The following CCDC73 variants were observed in gnomAD, a reference collection of about 807,000 sequenced individuals.
The protein encoded by CCDC73 is coiled-coil domain containing 73, also known as coiled-coil domain-containing protein 73.
Under a neutral mutation model 116.5 loss-of-function variants are expected in CCDC73, and 95 were observed. The observed-to-expected ratio is 0.82, with a 90% CI of 0.69 to 0.97. The LOEUF (loss-of-function observed/expected upper bound fraction) is 0.97, where lower values mean the gene tolerates loss of function less well. Among genes scored for constraint, CCDC73 ranks in the 50% least tolerant of loss-of-function variants. CCDC73 has a pLI of 0.00. For synonymous variants in CCDC73, 398 were observed against 401.3 expected, an observed-to-expected ratio of 0.99 and a Z score of 0.10; for missense variants, 1,066 against 1,206.8, an observed-to-expected ratio of 0.88 and a Z score of 1.73.
At chr11:32,736,555 T>G (rs1009718750) in intron 2 of CCDC73, among the ~76,000 whole-genome samples, 30 of 152,054 alleles carry the variant, frequency 2.0e-4, no homozygotes, top group Non-Finnish European at 3.8e-4. Flanking sequence ...ACTTTTACAC[T>G]GTTGGTGGGA....
At chr11:32,749,858 C>T (rs766689260) in intron 2 of CCDC73, among the ~76,000 whole-genome samples, 2 of 150,260 alleles carry the variant, frequency 1.3e-5, no homozygotes, top group South Asian at 4.3e-4. Flanking sequence ...TCATTCTCTC[C>T]TCTTACTTTT....
chr11:32,802,459 T>C, the CCDC73 span, among the ~76,000 whole-genome samples: 1 of 152,202 alleles, frequency 6.6e-6, no homozygotes, highest in Non-Finnish European at 1.5e-5. Flanking sequence ...CATGACACCA[T>C]TTTGCTAAGA....
At chr11:32,715,303 G>A (rs1319414834) in intron 3 of CCDC73, among the ~76,000 whole-genome samples, 3 of 152,016 alleles carry the variant, frequency 2.0e-5, no homozygotes, top group Non-Finnish European at 4.4e-5. Flanking sequence ...TGTTCTCTTG[G>A]TTTAATATAG....
intron 14 of CCDC73, among the ~76,000 whole-genome samples, chr11:32,626,062 A>G (rs1348673914): frequency 1.4e-5 from 2 of 147,452 alleles, no homozygotes; most frequent in African/African-American, 5.0e-5. Flanking sequence ...AGATGACATG[A>G]TTGTATGTCT....
chr11:32,607,079 AATTTTTTTTT>A (rs1855361716), intron 17 of CCDC73, among the ~76,000 whole-genome samples: 1 of 119,204 alleles, frequency 8.4e-6, no homozygotes, highest in African/African-American at 3.4e-5. Context: ...GCCAAAAATA[AATTTTTTTTT>A]TTTTTTTTTT....
At chr11:32,698,503 A>G (rs866234037) in intron 6 of CCDC73, among the ~76,000 whole-genome samples, 1 of 152,240 alleles carries the variant, frequency 6.6e-6, no homozygotes, top group South Asian at 2.1e-4. Context: ...AAGCTGTTTC[A>G]TTATTAACAT....
chr11:32,751,549 C>T (rs766441597), intron 2 of CCDC73, among the ~76,000 whole-genome samples: 1 of 152,224 alleles, frequency 6.6e-6, no homozygotes, highest in Non-Finnish European at 1.5e-5. Context: ...CCGCCATAGA[C>T]ACCGGCTGGG....
At chr11:32,668,445 G>A (rs557882531) in intron 9 of CCDC73, among the ~76,000 whole-genome samples, 1 of 152,106 alleles carries the variant, frequency 6.6e-6, no homozygotes, top group South Asian at 2.1e-4. Context: ...GTAGAAAAGA[G>A]TAATGAACAT....
intron 17 of CCDC73, 158 bp from the exon 18 acceptor site, chr11:32,603,178 GA>G: frequency 1.7e-6 from 1 of 589,148 alleles, no homozygotes; most frequent in Non-Finnish European, 2.9e-6. Context: ...TATACAATGT[GA>G]ATGTGTAGGC....
chr11:32,603,331 T>G (rs1855301976), intron 17 of CCDC73: 1 of 238,000 alleles, frequency 4.2e-6, no homozygotes, highest in East Asian at 8.4e-5. Flanking sequence ...ATTTGGAAGT[T>G]GGCATGTTTT....
intron 3 of CCDC73, among the ~76,000 whole-genome samples, chr11:32,715,758 T>C (rs1357966562): frequency 6.6e-6 from 1 of 152,060 alleles, no homozygotes; most frequent in East Asian, 1.9e-4. Context: ...GCCCAGTAAA[T>C]ATAAGACTAT....
At position 32,611,270 on chromosome 11, in the gene CCDC73, T is replaced by C. The variant is rs764379857; in HGVS notation, c.2897-5A>G. 1.6e-5 allele frequency: 25 copies of C among 1,610,286 alleles called. No homozygotes were observed. The highest frequency in any genetic ancestry group is 3.3e-5 in the South Asian group (3 of 90,152). On this transcript the variant is annotated splice_polypyrimidine_tract_variant and splice_region_variant and intron_variant, in intron 16 of 17. Coordinates refer to ENST00000335185, the MANE Select transcript of CCDC73 (RefSeq NM_001008391.4). Reference sequence around the variant, plus strand: ...CTCTGTTAATGCTGGTAGTATCTGATTGATAAAGAGGAAATGGCAACAACT... The same window carrying C: ...CTCTGTTAATGCTGGTAGTATCTGACTGATAAAGAGGAAATGGCAACAACT...
intron 3 of CCDC73, among the ~76,000 whole-genome samples, chr11:32,705,854 T>A (rs955776945): frequency 2.0e-5 from 3 of 152,218 alleles, no homozygotes; most frequent in Admixed American, 6.5e-5. Flanking sequence ...CTGTTATGAC[T>A]ATGTAATTAT....
chr11:32,801,908 C>T, the CCDC73 span, among the ~76,000 whole-genome samples: 2 of 152,210 alleles, frequency 1.3e-5, no homozygotes, highest in East Asian at 3.9e-4. Flanking sequence ...CCATGGAACT[C>T]GGTTAGATCA....
chr11:32,632,503 G>A lies in CCDC73; in HGVS notation c.1185+3193C>T, dbSNP rs1353214428. ...AGCCTCCCAAAGTGCTGGGATTACA[G>A]GTGTGAGCCACCGTGCCCGGCCGGT... On this transcript the variant is annotated intron_variant, in intron 14 of 17. Transcript: ENST00000335185. 2.0e-5 allele frequency among the ~76,000 whole-genome samples: 3 copies of A among 152,264 alleles called. 1 individual carries two copies. In the East Asian group the frequency reaches 5.8e-4, roughly 29 times the overall value.
intron 14 of CCDC73, among the ~76,000 whole-genome samples, chr11:32,617,594 G>T (rs1590546319): frequency 6.6e-6 from 1 of 152,176 alleles, no homozygotes; most frequent in Non-Finnish European, 1.5e-5. Flanking sequence ...AAGATGAAGA[G>T]CTGTGAACCC....
intron 6 of CCDC73, among the ~76,000 whole-genome samples, chr11:32,696,409 T>C (rs551206145): frequency 6.6e-6 from 1 of 152,116 alleles, no homozygotes; most frequent in Non-Finnish European, 1.5e-5. Context: ...ATCTTCTTTT[T>C]TTTAATTATG....
intron 14 of CCDC73, among the ~76,000 whole-genome samples, chr11:32,635,049 A>G (rs1201516952): frequency 2.0e-5 from 3 of 152,224 alleles, no homozygotes; most frequent in African/African-American, 7.2e-5. Context: ...ATATCCAGGA[A>G]TAAATTTAAC....
chr11:32,642,853 C>T (rs904341395), intron 12 of CCDC73, among the ~76,000 whole-genome samples: 14 of 151,588 alleles, frequency 9.2e-5, no homozygotes, highest in Non-Finnish European at 1.8e-4. Context: ...AATGTCAAGC[C>T]ACACAAAAGG....
Sources: gnomAD v4.1 joint callset for allele counts (sites outside exome capture counted in the v4.1 genomes callset) on GRCh38, gnomAD v4.1.1 for gene constraint, MANE v1.5 for transcripts, NCBI Gene and HGNC (gene_info 2026-07-23, HGNC 2026-07-21) for gene names.